ZNF569: variants seen among roughly 807,000 people sequenced by gnomAD.
The protein encoded by ZNF569 is DNA-binding protein.
Under a neutral mutation model 56.3 loss-of-function variants are expected in ZNF569, and 38 were observed. That is an observed-to-expected ratio of 0.68 (90% confidence interval 0.52 to 0.88). The LOEUF is 0.88. ZNF569 is among the 40% of genes least tolerant of loss of function. The pLI, the probability that ZNF569 is intolerant of heterozygous loss-of-function variation, is 0.00. For missense variants in ZNF569, 666 were observed against 809.2 expected, an observed-to-expected ratio of 0.82 and a Z score of 2.15; for synonymous variants, 241 against 262.9, an observed-to-expected ratio of 0.92 and a Z score of 0.81.
intron 3 of ZNF569, among the ~76,000 whole-genome samples, chr19:37,443,219 G>A (rs1185671796): frequency 5.3e-5 from 8 of 152,126 alleles, no homozygotes; most frequent in African/African-American, 1.4e-4. Context: ...GGTGGCGCAC[G>A]CCTGTAATCC....
rs928031753 is a variant in ZNF569 at position 37,448,270 on chromosome 19, CAG to C, written c.-43-3308_-43-3307del. On this transcript the variant is annotated intron_variant, in intron 2 of 5. Transcript: ENST00000316950. The stretch of plus-strand genomic sequence containing the variant: ...TTTCATTAATAGATATACAACTATT[CAG>C]GTTATTTCTTATTGTCTGAATTTTG... Among the ~76,000 whole-genome samples the C allele has an allele frequency of 2.4e-4, 37 of 152,172 alleles. No individual in the cohort carries two copies. In the South Asian group the frequency reaches 3.9e-3, roughly 16 times the overall value.
chr19:37,434,703 C>T (rs984089245), intron 3 of ZNF569, among the ~76,000 whole-genome samples: 1 of 152,232 alleles, frequency 6.6e-6, no homozygotes, highest in Admixed American at 6.5e-5. Context: ...TAACTGACGA[C>T]ATTCCACCAT....
intron 2 of ZNF569, among the ~76,000 whole-genome samples, chr19:37,455,838 A>G (rs1442751118): frequency 1.3e-5 from 2 of 152,322 alleles, no homozygotes; most frequent in East Asian, 1.9e-4. Flanking sequence ...ACCCACTTAT[A>G]TAAGGGCACC....
At chr19:37,457,112 A>G (rs1321339302) in intron 2 of ZNF569, among the ~76,000 whole-genome samples, 1 of 152,180 alleles carries the variant, frequency 6.6e-6, no homozygotes, top group Non-Finnish European at 1.5e-5. Flanking sequence ...CTAAAAACAT[A>G]TACACAAACT....
upstream of ZNF569, chr19:37,468,081 T>TTTTG (rs2041880588): frequency 2.7e-5 from 19 of 698,212 alleles, no homozygotes; most frequent in East Asian, 5.5e-5. Context: ...GTTTTTTTTT[T>TTTTG]TTTGTTTGTT....
intron 2 of ZNF569, among the ~76,000 whole-genome samples, chr19:37,447,102 G>C (rs552595834): frequency 6.6e-6 from 1 of 152,116 alleles, no homozygotes; most frequent in Admixed American, 6.5e-5. Flanking sequence ...ATAAATGTTG[G>C]CATGGATGTG....
At chr19:37,415,957 G>A (rs1302317660) in intron 5 of ZNF569, among the ~76,000 whole-genome samples, 1 of 151,772 alleles carries the variant, frequency 6.6e-6, no homozygotes, top group Admixed American at 6.6e-5. Context: ...AAAGGCGTGA[G>A]TGCAGTGGCT....
intron 3 of ZNF569, among the ~76,000 whole-genome samples, chr19:37,438,839 G>A (rs940208129): frequency 6.6e-6 from 1 of 152,096 alleles, no homozygotes; most frequent in Non-Finnish European, 1.5e-5. Context: ...GAAAATATAT[G>A]TAAACTATCC....
At chr19:37,425,317 A>AT (rs1491209595) in intron 5 of ZNF569, among the ~76,000 whole-genome samples, 785 of 129,250 alleles carry the variant, frequency 6.1e-3, no homozygotes, top group Non-Finnish European at 9.6e-3. Flanking sequence ...ACACGTGGCT[A>AT]ATTTTTTTTT....
chr19:37,463,598 T>C (rs903129316), intron 2 of ZNF569, among the ~76,000 whole-genome samples: 1 of 152,254 alleles, frequency 6.6e-6, no homozygotes, highest in Non-Finnish European at 1.5e-5. Flanking sequence ...ACTATACTTT[T>C]TATTGTTAGA....
intron 5 of ZNF569, among the ~76,000 whole-genome samples, chr19:37,414,840 T>TACTA (rs1273910748): frequency 6.6e-6 from 1 of 152,090 alleles, no homozygotes; most frequent in African/African-American, 2.4e-5. Flanking sequence ...GATTGTAAAT[T>TACTA]ACTAAAACTG....
upstream of ZNF569, among the ~76,000 whole-genome samples, chr19:37,468,277 T>A (rs908970722): frequency 3.3e-5 from 5 of 151,830 alleles, 1 homozygote; most frequent in Non-Finnish European, 7.4e-5. Flanking sequence ...TTAGTAGAGA[T>A]AAGGTCTCGC....
At chr19:37,425,651 G>A in intron 5 of ZNF569, 1 of 369,456 alleles carries the variant, frequency 2.7e-6, no homozygotes, top group South Asian at 5.3e-5. Flanking sequence ...TTTTTTAAGA[G>A]ATGAGGTCTC....
chr19:37,432,980 T>G (rs2041250110), intron 3 of ZNF569, among the ~76,000 whole-genome samples: 2 of 148,908 alleles, frequency 1.3e-5, no homozygotes, highest in African/African-American at 5.0e-5. Flanking sequence ...CATGGCTCAC[T>G]GCAGCCTCGA....
At position 37,425,318 on chromosome 19, in the gene ZNF569, AT is replaced by A. The variant is rs770808954; in HGVS notation, c.238+549del. On this transcript the variant is annotated intron_variant, in intron 5 of 5. Transcript: ENST00000316950. ...AAGCGTATGCCACCACACGTGGCTA[AT>A]TTTTTTTTTTTTTTTTTTTTTTGAC... Among the ~76,000 whole-genome samples, 689 of 104,152 alleles carry A rather than the reference AT, an allele frequency of 6.6e-3. 5 individuals are homozygous for A. Among genetic ancestry groups the A allele is most frequent in the African/African-American group, 0.021 (538 of 25,380 alleles). The allele number at this position is 104,152 out of a possible 152,430, so 68.3% of individuals were successfully genotyped here.
At chr19:37,457,143 T>C (rs960593889) in intron 2 of ZNF569, among the ~76,000 whole-genome samples, 1 of 152,204 alleles carries the variant, frequency 6.6e-6, no homozygotes, top group Non-Finnish European at 1.5e-5. Flanking sequence ...TCTTTCAGAA[T>C]GTACCTCCAA....
chr19:37,447,700 T>C (rs1182112184), intron 2 of ZNF569, among the ~76,000 whole-genome samples: 1 of 152,216 alleles, frequency 6.6e-6, no homozygotes, highest in Non-Finnish European at 1.5e-5. Flanking sequence ...AAGCATTCAG[T>C]ATCTCACCAT....
chr19:37,415,611 C>T (rs1044198224), intron 5 of ZNF569, among the ~76,000 whole-genome samples: 2 of 151,868 alleles, frequency 1.3e-5, no homozygotes, highest in African/African-American at 4.8e-5. Flanking sequence ...TGGCTCATGC[C>T]TATAATCCCA....
chr19:37,450,637 C>T (rs1016424437), intron 2 of ZNF569, among the ~76,000 whole-genome samples: 4 of 151,940 alleles, frequency 2.6e-5, no homozygotes, highest in Middle Eastern at 3.2e-3. Context: ...TTTATGCTCT[C>T]GTTTCCTTTA....
Sources: gnomAD v4.1 joint callset for allele counts (sites outside exome capture counted in the v4.1 genomes callset) on GRCh38, gnomAD v4.1.1 for gene constraint, MANE v1.5 for transcripts, NCBI Gene and HGNC (gene_info 2026-07-23, HGNC 2026-07-21) for gene names.